CYRIB: variants seen among roughly 807,000 people sequenced by gnomAD.
CYRIB encodes the protein CYFIP related Rac1 interactor B, also known as CYFIP-related Rac1 interactor B.
Under a neutral mutation model 44.2 loss-of-function variants are expected in CYRIB, and 8 were observed. That is an observed-to-expected ratio of 0.18 (90% confidence interval 0.11 to 0.33). The LOEUF (loss-of-function observed/expected upper bound fraction) is 0.33. Among genes scored for constraint, CYRIB ranks in the 10% least tolerant of loss-of-function variants. The pLI, the probability that CYRIB is intolerant of heterozygous loss-of-function variation, is 1.00. For synonymous variants in CYRIB, 131 were observed against 127.2 expected, an observed-to-expected ratio of 1.03 and a Z score of -0.20; for missense variants, 185 against 382.8, an observed-to-expected ratio of 0.48 and a Z score of 4.31.
At chr8:129,995,001 GA>G (rs1368567812) in intron 1 of CYRIB, among the ~76,000 whole-genome samples, 2 of 152,246 alleles carry the variant, frequency 1.3e-5, no homozygotes, top group African/African-American at 4.8e-5. Context: ...CAGGCTGCGA[GA>G]AAGAATGTGT....
chr8:129,872,804 T>C (rs2133372205), intron 3 of CYRIB, among the ~76,000 whole-genome samples: 1 of 152,178 alleles, frequency 6.6e-6, no homozygotes, highest in South Asian at 2.1e-4. Context: ...TGGTAAATCT[T>C]TGTCTACCAA....
intron 5 of CYRIB, among the ~76,000 whole-genome samples, chr8:129,857,544 C>T (rs1274061537): frequency 1.3e-5 from 2 of 152,142 alleles, no homozygotes; most frequent in Admixed American, 6.5e-5. Context: ...ATTAAGTACT[C>T]GGGCTTTGGC....
chr8:129,886,292 G>A (rs1388993024), intron 2 of CYRIB, among the ~76,000 whole-genome samples: 1 of 152,106 alleles, frequency 6.6e-6, no homozygotes, highest in South Asian at 2.1e-4. Context: ...TCAACTTACT[G>A]AACTAGCAGC....
At chr8:129,862,601 G>C (rs978946564) in intron 4 of CYRIB, among the ~76,000 whole-genome samples, 1 of 152,054 alleles carries the variant, frequency 6.6e-6, no homozygotes, top group Admixed American at 6.5e-5. Context: ...CTCCCAAGTA[G>C]CTGGGACTAC....
Position 129,916,580 on chromosome 8 carries a change from T to C in CYRIB, c.-49-13230A>G, listed in dbSNP as rs188241179. On this transcript the variant is annotated intron_variant, in intron 1 of 11. Transcript: ENST00000519824. Reference sequence around the variant, plus strand: ...CATTCCAGTACTGAAATCTGTTTCCTCCTAAAAAGGCATTCCTTTCTTCCT... The same window carrying C: ...CATTCCAGTACTGAAATCTGTTTCCCCCTAAAAAGGCATTCCTTTCTTCCT... 2.5e-3 allele frequency among the ~76,000 whole-genome samples: 379 copies of C among 152,268 alleles called. 4 individuals are homozygous for C. Among genetic ancestry groups the C allele is most frequent in the Non-Finnish European group, 1.7e-3 (117 of 68,008 alleles).
intron 1 of CYRIB, among the ~76,000 whole-genome samples, chr8:129,973,191 G>C (rs772560963): frequency 2.6e-5 from 4 of 152,182 alleles, no homozygotes; most frequent in Admixed American, 6.5e-5. Context: ...CTCTGAAAAG[G>C]GTATTTAATT....
intron 2 of CYRIB, among the ~76,000 whole-genome samples, chr8:129,952,811 G>C (rs970391826): frequency 3.9e-5 from 6 of 152,130 alleles, no homozygotes; most frequent in Admixed American, 3.3e-4. Flanking sequence ...ATAAAGGAAA[G>C]ACAATTTACC....
chr8:129,981,484 C>CAGGA (rs1554746174), intron 1 of CYRIB, among the ~76,000 whole-genome samples: 1 of 152,130 alleles, frequency 6.6e-6, no homozygotes, highest in Non-Finnish European at 1.5e-5. Context: ...GAGACATGGA[C>CAGGA]AGGAGCTCAC....
At chr8:129,896,819 T>C (rs1342443262) in intron 2 of CYRIB, 1 of 152,184 alleles carries the variant, frequency 6.6e-6, no homozygotes, top group African/African-American at 2.4e-5. Context: ...CTCGGAGATT[T>C]CACAGGAAAA....
chr8:130,002,141 G>A (rs1368952435), intron 1 of CYRIB, among the ~76,000 whole-genome samples: 4 of 152,106 alleles, frequency 2.6e-5, no homozygotes, highest in Admixed American at 2.0e-4. Flanking sequence ...TTTCCTGAAA[G>A]CAGCAGTATT....
At chr8:129,883,978 G>C (rs927400078) in intron 2 of CYRIB, among the ~76,000 whole-genome samples, 2 of 152,182 alleles carry the variant, frequency 1.3e-5, no homozygotes, top group African/African-American at 4.8e-5. Context: ...AATGTGAGGC[G>C]TGGGCGGATG....
intron 11 of CYRIB, chr8:129,844,031 T>C (rs1459125339): frequency 1.3e-5 from 2 of 152,246 alleles, no homozygotes; most frequent in Admixed American, 1.3e-4. Context: ...TTAACCTTTT[T>C]GTTCTCTTTA....
At chr8:129,845,133 T>C (rs563138762) in intron 11 of CYRIB, among the ~76,000 whole-genome samples, 1 of 152,338 alleles carries the variant, frequency 6.6e-6, no homozygotes, top group South Asian at 2.1e-4. Context: ...ATCACTGGTC[T>C]CCTCTGCTTT....
At chr8:129,988,220 G>T (rs1439694341) in intron 1 of CYRIB, among the ~76,000 whole-genome samples, 1 of 152,192 alleles carries the variant, frequency 6.6e-6, no homozygotes, top group Non-Finnish European at 1.5e-5. Flanking sequence ...GATCTTCAGG[G>T]GTACGTATCT....
At chr8:129,890,234 C>T (rs1027642857) in intron 2 of CYRIB, among the ~76,000 whole-genome samples, 1 of 152,192 alleles carries the variant, frequency 6.6e-6, no homozygotes, top group Admixed American at 6.5e-5. Context: ...CCAACAGTAT[C>T]ATATGCTACA....
At chr8:129,880,141 A>G (rs1269936860) in intron 2 of CYRIB, among the ~76,000 whole-genome samples, 1 of 152,252 alleles carries the variant, frequency 6.6e-6, no homozygotes, top group Admixed American at 6.5e-5. Context: ...TACTTGCTTC[A>G]TGGACTAATG....
Position 130,006,660 on chromosome 8 carries a change from A to ATG in CYRIB, c.-296+9708_-296+9709dup, listed in dbSNP as rs796966466. 5.8e-5 allele frequency among the ~76,000 whole-genome samples: 3 copies of ATG among 51,848 alleles called. 1 individual carries two copies. Among genetic ancestry groups the ATG allele is most frequent in the East Asian group, 4.8e-4 (1 of 2,070 alleles). The allele number at this position is 51,848 out of a possible 152,430, so 34.0% of individuals were successfully genotyped here. A position where few individuals can be genotyped will look rare whatever the true frequency, so the allele number is the denominator to read the frequency against. ...TATGTGTATATATATACATATATATATGTATATATATATGTATATATATAC... is the reference window on the plus strand; with the variant it reads ...TATGTGTATATATATACATATATATATGTGTATATATATATGTATATATATAC... On this transcript the variant is annotated intron_variant, in intron 1 of 14. Coordinates refer to the CYRIB transcript ENST00000401979.
intron 4 of CYRIB, among the ~76,000 whole-genome samples, chr8:129,868,125 T>A (rs1248084639): frequency 6.6e-6 from 1 of 152,222 alleles, no homozygotes; most frequent in Non-Finnish European, 1.5e-5. Flanking sequence ...ATGACTCTTG[T>A]AACACATCAG....
At chr8:129,940,069 C>G (rs1229954328), upstream of CYRIB, among the ~76,000 whole-genome samples, 1 of 152,108 alleles carries the variant, frequency 6.6e-6, no homozygotes, top group Non-Finnish European at 1.5e-5. Flanking sequence ...AGGGGCAGCA[C>G]CTTCGCAAAT....
Sources: gnomAD v4.1 joint callset for allele counts (sites outside exome capture counted in the v4.1 genomes callset) on GRCh38, gnomAD v4.1.1 for gene constraint, MANE v1.5 for transcripts, NCBI Gene and HGNC (gene_info 2026-07-23, HGNC 2026-07-21) for gene names.